The following GABRB2 variants were observed in gnomAD, a reference collection of about 807,000 sequenced individuals.
GABRB2 encodes gamma-aminobutyric acid type A receptor subunit beta2.
Under a neutral mutation model 54.7 loss-of-function variants are expected in GABRB2, and 16 were observed. The observed-to-expected ratio is 0.29, with a 90% CI of 0.20 to 0.44. GABRB2 has a LOEUF of 0.44. GABRB2 is among the 20% of genes least tolerant of loss of function. The probability of loss-of-function intolerance (pLI) is 1.00; values close to 1 mark genes in which losing one functional copy is unlikely to be tolerated. For synonymous variants in GABRB2, 244 were observed against 233.8 expected (o/e 1.04, Z -0.40); for missense variants, 355 against 644.0 (o/e 0.55, Z 4.86).
intron 3 of GABRB2, among the ~76,000 whole-genome samples, chr5:161,544,697 G>A (rs1278287055): frequency 6.6e-6 from 1 of 152,132 alleles, no homozygotes; most frequent in Admixed American, 6.5e-5. Flanking sequence ...GTGGGCAGGA[G>A]GGATTAAAGC....
chr5:161,449,831 A>T (rs1312250012), intron 4 of GABRB2, among the ~76,000 whole-genome samples: 8 of 152,032 alleles, frequency 5.3e-5, no homozygotes, highest in Admixed American at 1.3e-4. Flanking sequence ...CTACTGGGAA[A>T]TACTTTGCTA....
intron 4 of GABRB2, among the ~76,000 whole-genome samples, chr5:161,457,151 A>G (rs1012948514): frequency 6.6e-6 from 1 of 152,320 alleles, no homozygotes; most frequent in Admixed American, 6.5e-5. Flanking sequence ...TCTCTTCACA[A>G]TTAACAATAC....
intron 4 of GABRB2, among the ~76,000 whole-genome samples, chr5:161,454,774 GA>G (rs1757900832): frequency 6.6e-6 from 1 of 151,998 alleles, no homozygotes; most frequent in Admixed American, 6.6e-5. Flanking sequence ...ATAAAACCTG[GA>G]AAATATGCTT....
intron 3 of GABRB2, among the ~76,000 whole-genome samples, chr5:161,499,334 C>T (rs904573514): frequency 2.0e-5 from 3 of 152,120 alleles, no homozygotes; most frequent in African/African-American, 7.2e-5. Context: ...AACATGGGAA[C>T]AGCAAACTGG....
At chr5:161,320,521 T>C (rs1271822664) in intron 9 of GABRB2, among the ~76,000 whole-genome samples, 1 of 151,856 alleles carries the variant, frequency 6.6e-6, no homozygotes, top group Non-Finnish European at 1.5e-5. Context: ...ATAATGATTA[T>C]ATCTTTATTT....
chr5:161,515,818 C>T (rs984211897), intron 3 of GABRB2, among the ~76,000 whole-genome samples: 1 of 152,118 alleles, frequency 6.6e-6, no homozygotes, highest in South Asian at 2.1e-4. Flanking sequence ...CAATTTCAGT[C>T]TACGGACTAA....
At chr5:161,359,130 G>GA (rs984897748) in intron 5 of GABRB2, among the ~76,000 whole-genome samples, 1 of 151,206 alleles carries the variant, frequency 6.6e-6, no homozygotes, top group African/African-American at 2.4e-5. Flanking sequence ...CAGAGAGGGG[G>GA]AAAAAACAAA....
chr5:161,545,437 T>TTA, intron 2 of GABRB2, 143 bp from the exon 3 acceptor site: 2 of 323,762 alleles, frequency 6.2e-6, no homozygotes, highest in South Asian at 8.3e-5. Context: ...CTTTTTTTGT[T>TTA]AAAAAAAAAA....
intron 3 of GABRB2, among the ~76,000 whole-genome samples, chr5:161,483,743 T>C (rs752457736): frequency 1.3e-5 from 2 of 151,960 alleles, no homozygotes; most frequent in African/African-American, 4.8e-5. Flanking sequence ...ATATTTATGG[T>C]TTTGACTAGA....
chr5:161,523,693 C>T (rs577356504), intron 3 of GABRB2, among the ~76,000 whole-genome samples: 79 of 151,628 alleles, frequency 5.2e-4, no homozygotes, highest in Non-Finnish European at 9.8e-4. Flanking sequence ...GTCTGCATAA[C>T]GATGTCAAGT....
intron 4 of GABRB2, among the ~76,000 whole-genome samples, chr5:161,435,640 G>A (rs1051321489): frequency 1.3e-5 from 2 of 152,146 alleles, no homozygotes; most frequent in African/African-American, 4.8e-5. Context: ...GCGGGAAAGA[G>A]AAAAATACAA....
Position 161,393,047 on chromosome 5 carries a change from T to C in GABRB2, c.541+17928A>G, listed in dbSNP as rs144995210. ...AGAAATGACTGCCAGAAGGACCAAA[T>C]AAACAAGATTAAATTTCTTACACAG... On this transcript the variant is annotated intron_variant, in intron 5 of 9. Coordinates refer to ENST00000393959, the MANE Select transcript of GABRB2 (RefSeq NM_001371727.1). Among the ~76,000 whole-genome samples, 35 of 151,716 alleles carry C rather than the reference T, an allele frequency of 2.3e-4. No individual in the cohort carries two copies. The East Asian group carries it at 6.8e-3, about 29-fold the overall frequency.
chr5:161,474,534 T>C (rs994076599), intron 3 of GABRB2, among the ~76,000 whole-genome samples: 3 of 151,974 alleles, frequency 2.0e-5, no homozygotes, highest in East Asian at 1.9e-4. Context: ...AAACACAACA[T>C]TGTATATATA....
chr5:161,510,246 C>T (rs756767314), intron 3 of GABRB2, among the ~76,000 whole-genome samples: 1 of 151,594 alleles, frequency 6.6e-6, no homozygotes, highest in Non-Finnish European at 1.5e-5. Flanking sequence ...CCTCCCCCAG[C>T]TCCCCCCCAA....
chr5:161,329,464 T>A (rs903536355), intron 8 of GABRB2: 1 of 152,176 alleles, frequency 6.6e-6, no homozygotes. Flanking sequence ...AAATTTGCAT[T>A]GTTGCAAATA....
At chr5:161,339,358 T>C (rs1326773100) in intron 5 of GABRB2, among the ~76,000 whole-genome samples, 2 of 152,120 alleles carry the variant, frequency 1.3e-5, no homozygotes, top group South Asian at 2.1e-4. Flanking sequence ...CTAAGCACTT[T>C]GTTAACTAGA....
chr5:161,402,269 T>C (rs1043841061), intron 5 of GABRB2, among the ~76,000 whole-genome samples: 11 of 152,206 alleles, frequency 7.2e-5, no homozygotes, highest in Admixed American at 2.0e-4. Flanking sequence ...GAACTGCAAA[T>C]TATATTCTAA....
chr5:161,545,153 A>G (rs1368251886), intron 3 of GABRB2, 74 bp downstream of exon 3: 2 of 1,149,688 alleles, frequency 1.7e-6, no homozygotes, highest in African/African-American at 3.1e-5. Context: ...CCCACCCCCA[A>G]TAGCTGGCTC....
intron 3 of GABRB2, among the ~76,000 whole-genome samples, chr5:161,528,607 T>C (rs925689225): frequency 6.6e-6 from 1 of 151,782 alleles, no homozygotes; most frequent in Non-Finnish European, 1.5e-5. Context: ...TTCAGAATAA[T>C]TACAGAAATA....
Sources: allele counts gnomAD v4.1 joint callset (sites outside exome capture counted in the v4.1 genomes callset), GRCh38; gene constraint gnomAD v4.1.1; transcripts MANE v1.5; gene names NCBI Gene and HGNC (gene_info 2026-07-23, HGNC 2026-07-21).